FAM13A: variants seen among roughly 807,000 people sequenced by gnomAD.
FAM13A encodes family with sequence similarity 13 member A, also known as protein FAM13A.
Under a neutral mutation model 129.6 loss-of-function variants are expected in FAM13A, and 76 were observed. The observed-to-expected ratio is 0.59, with a 90% CI of 0.49 to 0.71. The LOEUF (loss-of-function observed/expected upper bound fraction) is 0.71. Among genes scored for constraint, FAM13A ranks in the 30% least tolerant of loss-of-function variants. The pLI, the probability that FAM13A is intolerant of heterozygous loss-of-function variation, is 0.00. For missense variants in FAM13A, 1,108 were observed against 1,249.3 expected, an observed-to-expected ratio of 0.89 and a Z score of 1.70; for synonymous variants, 443 against 449.9, an observed-to-expected ratio of 0.98 and a Z score of 0.20.
chr4:88,891,235 A>T (rs1347458460), intron 6 of FAM13A, among the ~76,000 whole-genome samples: 1 of 152,070 alleles, frequency 6.6e-6, no homozygotes, highest in Non-Finnish European at 1.5e-5. Context: ...ACCAGCCTGG[A>T]CAACATGGCA....
chr4:89,003,953 A>G (rs1764635081), intron 3 of FAM13A, among the ~76,000 whole-genome samples: 1 of 152,154 alleles, frequency 6.6e-6, no homozygotes. Context: ...GAAAGAACTG[A>G]GGGCTGCCAA....
chr4:88,960,179 T>G (rs1758381673), intron 4 of FAM13A, among the ~76,000 whole-genome samples: 1 of 152,180 alleles, frequency 6.6e-6, no homozygotes, highest in Admixed American at 6.5e-5. Flanking sequence ...AAGAGTAATG[T>G]CCCACCTCTT....
At chr4:88,769,938 A>T (rs751122104) in intron 11 of FAM13A, among the ~76,000 whole-genome samples, 1 of 152,228 alleles carries the variant, frequency 6.6e-6, no homozygotes, top group South Asian at 2.1e-4. Flanking sequence ...TGAAGCTATA[A>T]TATCTCCAAG....
At chr4:88,834,701 T>C (rs955836762) in intron 7 of FAM13A, among the ~76,000 whole-genome samples, 5 of 152,172 alleles carry the variant, frequency 3.3e-5, no homozygotes, top group Non-Finnish European at 7.4e-5. Context: ...CCTAGTGAAA[T>C]AATTTTAACA....
chr4:88,852,662 ATTC>A (rs1472643012), intron 6 of FAM13A, among the ~76,000 whole-genome samples: 11 of 151,964 alleles, frequency 7.2e-5, no homozygotes. Flanking sequence ...CCTTTCTTTT[ATTC>A]TTCTTATTAA....
intron 3 of FAM13A, among the ~76,000 whole-genome samples, chr4:89,000,313 G>A (rs549612037): frequency 1.6e-4 from 25 of 152,088 alleles, no homozygotes; most frequent in African/African-American, 4.8e-4. Context: ...GTAAAATATC[G>A]TATATTCATA....
At chr4:88,783,087 G>T (rs2149629669) in intron 10 of FAM13A, among the ~76,000 whole-genome samples, 2 of 152,100 alleles carry the variant, frequency 1.3e-5, no homozygotes, top group South Asian at 2.1e-4. Flanking sequence ...TAAGGTAAAT[G>T]AGGTATCCAT....
At chr4:88,872,273 G>A (rs1741552890) in intron 6 of FAM13A, among the ~76,000 whole-genome samples, 1 of 152,168 alleles carries the variant, frequency 6.6e-6, no homozygotes, top group South Asian at 2.1e-4. Flanking sequence ...CATAATGACA[G>A]GATCAAATTC....
rs115482724 is a variant in FAM13A at position 88,853,000 on chromosome 4, T to C, written c.844-1817A>G. 4.4e-3 allele frequency among the ~76,000 whole-genome samples: 665 copies of C among 152,248 alleles called. 4 individuals carry two copies. The highest frequency in any genetic ancestry group is 0.015 in the African/African-American group (644 of 41,560). On this transcript the variant is annotated intron_variant, in intron 6 of 23. Coordinates refer to ENST00000264344, the MANE Select transcript of FAM13A (RefSeq NM_014883.4). ...GAACATAATTTGGCAAAAAGGTATA[T>C]TTAGGATAGAGCAAAGTGAACTCAA...
At chr4:88,994,986 TAA>T (rs892921838) in intron 3 of FAM13A, among the ~76,000 whole-genome samples, 1 of 152,230 alleles carries the variant, frequency 6.6e-6, no homozygotes, top group African/African-American at 2.4e-5. Flanking sequence ...TCTCACATTA[TAA>T]AAGTTTGCAA....
At chr4:88,876,121 T>A (rs1742402114) in intron 6 of FAM13A, among the ~76,000 whole-genome samples, 1 of 151,920 alleles carries the variant, frequency 6.6e-6, no homozygotes, top group Non-Finnish European at 1.5e-5. Context: ...GTGGGGAACA[T>A]CCCACACCAG....
At chr4:88,819,000 T>C (rs1731368109) in intron 7 of FAM13A, among the ~76,000 whole-genome samples, 1 of 152,224 alleles carries the variant, frequency 6.6e-6, no homozygotes, top group South Asian at 2.1e-4. Flanking sequence ...AACTGATGAA[T>C]TCTACTGATA....
intron 4 of FAM13A, among the ~76,000 whole-genome samples, chr4:88,983,949 A>G (rs991031889): frequency 2.0e-5 from 3 of 152,218 alleles, no homozygotes; most frequent in Non-Finnish European, 4.4e-5. Flanking sequence ...CTGACATAAG[A>G]ATAGATATAC....
At chr4:89,037,184 A>G (rs1482491375) in intron 1 of FAM13A, among the ~76,000 whole-genome samples, 2 of 152,318 alleles carry the variant, frequency 1.3e-5, no homozygotes, top group African/African-American at 2.4e-5. Flanking sequence ...TAAGCAATCA[A>G]TGCTATCCCA....
chr4:88,953,613 A>T (rs1757292974), intron 4 of FAM13A, among the ~76,000 whole-genome samples: 1 of 152,210 alleles, frequency 6.6e-6, no homozygotes, highest in Non-Finnish European at 1.5e-5. Flanking sequence ...GTGAAACTCT[A>T]CACCCATTAA....
At chr4:88,776,437 G>C (rs959939261) in intron 11 of FAM13A, among the ~76,000 whole-genome samples, 1 of 151,866 alleles carries the variant, frequency 6.6e-6, no homozygotes, top group Admixed American at 6.6e-5. Context: ...ATTATTGGGA[G>C]GATTAAAATT....
rs34930151 is a variant in FAM13A, at chr4:88,994,838, C to CA, written c.428-3689dup. On this transcript the variant is annotated intron_variant, in intron 3 of 23. Coordinates refer to ENST00000264344, the MANE Select transcript of FAM13A (RefSeq NM_014883.4). ...CCTGGGTGACAGAGTGAGACCCTGT[C>CA]AAAAAAAAAAAAATTTCCTAATAAT... Among the ~76,000 whole-genome samples, 750 of 147,118 alleles carry CA rather than the reference C, an allele frequency of 5.1e-3. 8 individuals are homozygous for CA. Among genetic ancestry groups the CA allele is most frequent in the African/African-American group, 0.017 (675 of 40,050 alleles).
chr4:88,841,485 C>T (rs549316759), intron 7 of FAM13A, among the ~76,000 whole-genome samples: 4 of 106,102 alleles, frequency 3.8e-5, no homozygotes, highest in African/African-American at 1.7e-4. Context: ...CAGAGTGAGA[C>T]TCTGTCTCAA....
At chr4:88,831,249 T>C (rs1733843578) in intron 7 of FAM13A, among the ~76,000 whole-genome samples, 1 of 152,186 alleles carries the variant, frequency 6.6e-6, no homozygotes, top group South Asian at 2.1e-4. Context: ...ATAATAGTGT[T>C]TCTGTTCTCA....
Sources: allele counts gnomAD v4.1 joint callset (sites outside exome capture counted in the v4.1 genomes callset), GRCh38; gene constraint gnomAD v4.1.1; transcripts MANE v1.5; gene names NCBI Gene and HGNC (gene_info 2026-07-23, HGNC 2026-07-21).